Variants in SRBD1 observed in about 807,000 individuals in gnomAD.
SRBD1 encodes S1 RNA binding domain 1, also known as S1 RNA-binding domain-containing protein 1.
SRBD1 carries 88 observed loss-of-function variants against 115.3 expected under a neutral mutation model. That is an observed-to-expected ratio of 0.76 (90% CI 0.64 to 0.91). SRBD1 has a LOEUF of 0.91. Among genes scored for constraint, SRBD1 ranks in the 40% least tolerant of loss-of-function variants. The pLI, the probability that SRBD1 is intolerant of heterozygous loss-of-function variation, is 0.00. For missense variants in SRBD1, 1,385 were observed against 1,177.4 expected (o/e 1.18, Z -2.58); for synonymous variants, 509 against 407.7 (o/e 1.25, Z -2.99).
chr2:45,393,152 C>G (rs369447757), intron 19 of SRBD1, 23 bp from the exon 20 acceptor site: 5 of 1,579,406 alleles, frequency 3.2e-6, no homozygotes, highest in Admixed American at 1.8e-5. Context: ...AAATAAAAAG[C>G]GCAACACTTA....
intron 16 of SRBD1, among the ~76,000 whole-genome samples, chr2:45,437,353 G>A (rs1249933662): frequency 1.6e-5 from 1 of 63,944 alleles, no homozygotes; most frequent in Non-Finnish European, 2.9e-5. Context: ...CTGCAGTATT[G>A]GTTTAAAAAA....
chr2:45,393,458 A>G (rs1667060898), intron 19 of SRBD1, among the ~76,000 whole-genome samples: 3 of 152,138 alleles, frequency 2.0e-5, no homozygotes, highest in Admixed American at 2.0e-4. Context: ...TCAGCTCACC[A>G]CAAGCTCCGC....
At chr2:45,556,331 A>T (rs1302595308) in intron 10 of SRBD1, among the ~76,000 whole-genome samples, 1 of 152,196 alleles carries the variant, frequency 6.6e-6, no homozygotes, top group East Asian at 1.9e-4. Flanking sequence ...TGGCACAATA[A>T]ATGTAAAAAC....
At chr2:45,399,077 G>GAA (rs60339334) in intron 19 of SRBD1, among the ~76,000 whole-genome samples, 2 of 145,874 alleles carry the variant, frequency 1.4e-5, no homozygotes, top group African/African-American at 5.0e-5. Flanking sequence ...AAGAGAACCA[G>GAA]AAAAAAAAAA....
At chr2:45,590,263 C>G (rs11886816) in intron 4 of SRBD1, among the ~76,000 whole-genome samples, 150,210 of 152,362 alleles carry the variant, frequency 0.99, 74,057 homozygotes, top group East Asian at 1. Flanking sequence ...CCTAGGCGTA[C>G]GCTGAACTAA....
intron 16 of SRBD1, among the ~76,000 whole-genome samples, chr2:45,428,801 G>T (rs955111296): frequency 1.3e-5 from 2 of 151,978 alleles, no homozygotes; most frequent in African/African-American, 4.8e-5. Flanking sequence ...CAGAAGACAA[G>T]AAATAACTTA....
intron 16 of SRBD1, among the ~76,000 whole-genome samples, chr2:45,428,581 A>AATACATAC (rs939920790): frequency 5.3e-5 from 8 of 150,070 alleles, no homozygotes; most frequent in Admixed American, 1.3e-4. Context: ...TAAATAAATA[A>AATACATAC]ATACATAAAT....
At chr2:45,489,915 TCAAA>T (rs1225258791) in intron 14 of SRBD1, among the ~76,000 whole-genome samples, 1 of 152,152 alleles carries the variant, frequency 6.6e-6, no homozygotes, top group African/African-American at 2.4e-5. Context: ...AGCTACTTTC[TCAAA>T]CAAAAGATCT....
chr2:45,508,081 G>A (rs1240044673), intron 14 of SRBD1, among the ~76,000 whole-genome samples: 1 of 152,102 alleles, frequency 6.6e-6, no homozygotes, highest in Non-Finnish European at 1.5e-5. Flanking sequence ...AACACAATAT[G>A]CTAAACAAAT....
intron 15 of SRBD1, among the ~76,000 whole-genome samples, chr2:45,480,912 A>C (rs980009256): frequency 6.6e-6 from 1 of 152,186 alleles, no homozygotes. Context: ...CACATGCTAC[A>C]GAGAAACCTT....
rs1667367901 is a variant in SRBD1, at chr2:45,404,250, T to C, written c.2513+8864A>G. Among the ~76,000 whole-genome samples the C allele has an allele frequency of 2.0e-5, 3 of 152,116 alleles. No homozygotes were observed. The South Asian group carries it at 6.2e-4, about 31-fold the overall frequency. On this transcript the variant is annotated intron_variant, in intron 19 of 20. Transcript: ENST00000263736. ...GTTGAAGATTTTGGGGAGAGACGGG[T>C]TCAGATTTAGGCATATTAGGTTTGA...
intron 19 of SRBD1, among the ~76,000 whole-genome samples, chr2:45,400,121 TC>T (rs1667252707): frequency 6.6e-6 from 1 of 152,150 alleles, no homozygotes; most frequent in South Asian, 2.1e-4. Flanking sequence ...TTTCAATAAA[TC>T]CCTAGTTGTC....
chr2:45,514,354 G>A (rs1671058884), intron 14 of SRBD1, among the ~76,000 whole-genome samples: 1 of 151,818 alleles, frequency 6.6e-6, no homozygotes, highest in African/African-American at 2.4e-5. Context: ...TAACATCCAG[G>A]ATAACCACCA....
chr2:45,460,840 G>A (rs6544820), intron 16 of SRBD1, among the ~76,000 whole-genome samples: 1 of 152,074 alleles, frequency 6.6e-6, no homozygotes, highest in African/African-American at 2.4e-5. Flanking sequence ...CCATTAAAAC[G>A]AAGTTATGCC....
At chr2:45,450,384 A>C (rs1444951249) in intron 16 of SRBD1, among the ~76,000 whole-genome samples, 3 of 152,132 alleles carry the variant, frequency 2.0e-5, no homozygotes, top group Non-Finnish European at 4.4e-5. Context: ...AATGTTAATA[A>C]ACTATATATT....
At chr2:45,443,989 A>C (rs948654746) in intron 16 of SRBD1, among the ~76,000 whole-genome samples, 11 of 152,160 alleles carry the variant, frequency 7.2e-5, no homozygotes, top group African/African-American at 2.7e-4. Context: ...AATCTGGTGC[A>C]GCTGTTTTTT....
chr2:45,565,814 T>C (rs897672619), intron 9 of SRBD1, among the ~76,000 whole-genome samples: 3 of 152,342 alleles, frequency 2.0e-5, no homozygotes, highest in Admixed American at 1.3e-4. Context: ...TCTTAAGAGA[T>C]GGGGTTTCAC....
At position 45,413,292 on chromosome 2, in the gene SRBD1, G is replaced by A; in HGVS notation, c.2335C>T (p.Gln779Ter). The change falls in exon 19 of 21, where the codon CAG becomes TAG. Residue 779 changes from glutamine to a stop codon, truncating the protein, a stop_gained and splice_region_variant. Transcript: ENST00000263736. LOFTEE classifies it high-confidence loss of function. ...NQDYIRTFCS[Q>*]QTETSGQIQG... Reference sequence around the variant, plus strand: ...ATTTGGCCTGAAGTTTCAGTTTGCTGACTATATAAAACCAGAAAAAACCAC... The same window carrying A: ...ATTTGGCCTGAAGTTTCAGTTTGCTAACTATATAAAACCAGAAAAAACCAC... 6.2e-7 allele frequency: 1 copy of A among 1,611,748 alleles called. No individual in the cohort carries two copies.
intron 16 of SRBD1, among the ~76,000 whole-genome samples, chr2:45,451,015 G>T (rs1256130447): frequency 6.6e-6 from 1 of 152,078 alleles, no homozygotes; most frequent in African/African-American, 2.4e-5. Context: ...TTTCATTCCT[G>T]TAACAGTAGA....
Sources: gnomAD v4.1 joint callset for allele counts (sites outside exome capture counted in the v4.1 genomes callset) on GRCh38, gnomAD v4.1.1 for gene constraint, MANE v1.5 for transcripts, NCBI Gene and HGNC (gene_info 2026-07-23, HGNC 2026-07-21) for gene names.